The following TENM3 variants were observed in gnomAD, a reference collection of about 807,000 sequenced individuals.
TENM3 encodes the protein teneurin-3.
Under a neutral mutation model 255.1 loss-of-function variants are expected in TENM3, and 63 were observed. The ratio of observed to expected loss-of-function variants is 0.25; its 90% CI spans 0.20 to 0.30. TENM3 has a LOEUF of 0.30. Among genes scored for constraint, TENM3 ranks in the 10% least tolerant of loss-of-function variants. The probability of loss-of-function intolerance (pLI) is 1.00; values close to 1 mark genes in which losing one functional copy is unlikely to be tolerated. For missense variants in TENM3, 2,929 were observed against 3,461.1 expected (o/e 0.85, Z 3.86); for synonymous variants, 1,306 against 1,322.3 (o/e 0.99, Z 0.27).
chr4:182,120,049 G>C, the TENM3 span, among the ~76,000 whole-genome samples: 1 of 150,674 alleles, frequency 6.6e-6, no homozygotes. Context: ...TGAGTCCACT[G>C]ACAGTTTTTT....
At chr4:182,289,895 C>T (rs1214558644) in intron 1 of TENM3, among the ~76,000 whole-genome samples, 10 of 152,146 alleles carry the variant, frequency 6.6e-5, no homozygotes, top group Admixed American at 4.6e-4. Flanking sequence ...CTAGAGATGA[C>T]GCTCAGGACC....
intron 22 of TENM3, among the ~76,000 whole-genome samples, chr4:182,758,920 C>T (rs1762927796): frequency 6.6e-6 from 1 of 152,174 alleles, no homozygotes; most frequent in South Asian, 2.1e-4. Flanking sequence ...CTTTTCAGCT[C>T]AAATTCCCAT....
the TENM3 span, among the ~76,000 whole-genome samples, chr4:181,878,006 G>A: frequency 6.6e-6 from 1 of 152,130 alleles, no homozygotes; most frequent in South Asian, 2.1e-4. Flanking sequence ...GCACATTGCG[G>A]TGTTACTAAT....
Position 182,635,765 on chromosome 4 carries a change from T to G in TENM3, c.988+6876T>G, listed in dbSNP as rs1352002942. Among the ~76,000 whole-genome samples the G allele has an allele frequency of 3.3e-5, 5 of 152,224 alleles. 1 individual carries two copies. The highest frequency in any genetic ancestry group is 3.3e-4 in the Admixed American group (5 of 15,272). ...TCCCTAGATCTGGCAAAACATAACC[T>G]GTCGAATCCAGGTTCATTGCAGTTA... On this transcript the variant is annotated intron_variant, in intron 5 of 27. Coordinates refer to ENST00000511685, the MANE Select transcript of TENM3 (RefSeq NM_001080477.4).
At chr4:181,580,865 T>G in the TENM3 span, among the ~76,000 whole-genome samples, 1 of 152,100 alleles carries the variant, frequency 6.6e-6, no homozygotes, top group Non-Finnish European at 1.5e-5. Context: ...AATTGCTCAG[T>G]CAAGAAATGA....
At chr4:182,021,737 A>G in the TENM3 span, among the ~76,000 whole-genome samples, 1 of 151,864 alleles carries the variant, frequency 6.6e-6, no homozygotes, top group Non-Finnish European at 1.5e-5. Context: ...TGAATAAACA[A>G]ATGAATGAAT....
At chr4:181,844,587 G>C in the TENM3 span, among the ~76,000 whole-genome samples, 1 of 151,730 alleles carries the variant, frequency 6.6e-6, no homozygotes, top group Non-Finnish European at 1.5e-5. Context: ...AGAATGGCGT[G>C]AACCCGGGAG....
At chr4:182,704,161 C>A (rs1289347539) in intron 12 of TENM3, among the ~76,000 whole-genome samples, 1 of 151,666 alleles carries the variant, frequency 6.6e-6, no homozygotes, top group Non-Finnish European at 1.5e-5. Context: ...AATAAACTCA[C>A]ACAAGGAATA....
intron 1 of TENM3, among the ~76,000 whole-genome samples, chr4:182,294,998 A>AGAG (rs149657350): frequency 0.21 from 31,642 of 151,598 alleles, 4,245 homozygotes; most frequent in African/African-American, 0.37. Context: ...TAAAATGTTG[A>AGAG]GTGGGTGGGG....
the TENM3 span, among the ~76,000 whole-genome samples, chr4:182,035,224 G>T: frequency 1.3e-5 from 2 of 152,142 alleles, no homozygotes; most frequent in African/African-American, 4.8e-5. Context: ...TGTCTTACAT[G>T]TTGAGTCCAA....
chr4:181,831,968 T>TTGTGTGTGTGTGTGTGTG, the TENM3 span, among the ~76,000 whole-genome samples: 307 of 132,706 alleles, frequency 2.3e-3, 2 homozygotes, highest in Middle Eastern at 7.9e-3. Context: ...ATATATTACA[T>TTGTGTGTGTGTGTGTGTG]TGTGTGTGTG....
chr4:181,688,554 T>A, the TENM3 span, among the ~76,000 whole-genome samples: 3 of 152,216 alleles, frequency 2.0e-5, no homozygotes, highest in Non-Finnish European at 4.4e-5. Flanking sequence ...CGTGTCATTG[T>A]GTCTCACATC....
the TENM3 span, among the ~76,000 whole-genome samples, chr4:181,757,194 T>C: frequency 6.6e-6 from 1 of 152,206 alleles, no homozygotes; most frequent in Admixed American, 6.5e-5. Context: ...AGGTTTTTAT[T>C]AGAAGCCACA....
At chr4:182,437,566 T>C (rs1772139216) in intron 3 of TENM3, among the ~76,000 whole-genome samples, 1 of 151,968 alleles carries the variant, frequency 6.6e-6, no homozygotes, top group South Asian at 2.1e-4. Context: ...GGAGGCCAAG[T>C]GGGCAGATCA....
At chr4:182,741,918 G>C (rs1761635647) in intron 18 of TENM3, among the ~76,000 whole-genome samples, 1 of 152,182 alleles carries the variant, frequency 6.6e-6, no homozygotes, top group Admixed American at 6.5e-5. Context: ...TTATCCCGAA[G>C]TGGGGGGAAA....
chr4:182,106,356 G>A, the TENM3 span, among the ~76,000 whole-genome samples: 1 of 152,196 alleles, frequency 6.6e-6, no homozygotes, highest in African/African-American at 2.4e-5. Flanking sequence ...AGCTATTCAG[G>A]AGGCTGAGGT....
intron 3 of TENM3, among the ~76,000 whole-genome samples, chr4:182,562,450 G>A (rs113473013): frequency 2.0e-5 from 3 of 152,062 alleles, no homozygotes; most frequent in African/African-American, 4.8e-5. Context: ...TGTTCCAGCC[G>A]CTGTTGCCTC....
At chr4:182,557,650 A>G (rs1482123721) in intron 3 of TENM3, among the ~76,000 whole-genome samples, 1 of 152,144 alleles carries the variant, frequency 6.6e-6, no homozygotes, top group Non-Finnish European at 1.5e-5. Context: ...TAGAAGCCAC[A>G]GGGTACAACA....
the TENM3 span, among the ~76,000 whole-genome samples, chr4:181,510,935 T>A: frequency 2.6e-5 from 4 of 152,236 alleles, no homozygotes; most frequent in African/African-American, 9.6e-5. Context: ...TCTGATATGG[T>A]AATGTCCTTA....
Sources: allele counts gnomAD v4.1 joint callset (sites outside exome capture counted in the v4.1 genomes callset), GRCh38; gene constraint gnomAD v4.1.1; transcripts MANE v1.5; gene names NCBI Gene and HGNC (gene_info 2026-07-23, HGNC 2026-07-21).